LONP1: variants seen among roughly 807,000 people sequenced by gnomAD.
LONP1 encodes lon protease homolog, mitochondrial.
LONP1 carries 31 observed loss-of-function variants against 98.5 expected under a neutral mutation model. The ratio of observed to expected loss-of-function variants is 0.31; its 90% CI spans 0.24 to 0.42. The LOEUF (loss-of-function observed/expected upper bound fraction) is 0.42. Among genes scored for constraint, LONP1 ranks in the 20% least tolerant of loss-of-function variants. LONP1 has a pLI of 1.00. For missense variants in LONP1, 1,336 were observed against 1,350.6 expected (o/e 0.99, Z 0.17); for synonymous variants, 781 against 594.7 (o/e 1.31, Z -4.56).
intron 1 of LONP1, 39 bp from the exon 2 acceptor site, chr19:5,714,310 A>ATTTTTTTTTTTTTT: frequency 7.4e-7 from 1 of 1,360,400 alleles, no homozygotes; most frequent in Non-Finnish European, 1.0e-6. Flanking sequence ...TGCAGAGTAG[A>ATTTTTTTTTTTTTT]TTTTTTTTTT....
chr19:5,693,893 G>A, intron 15 of LONP1, 124 bp from the exon 16 acceptor site: 2 of 807,608 alleles, frequency 2.5e-6, no homozygotes, highest in Non-Finnish European at 4.0e-6. Flanking sequence ...CCTGGGCAGG[G>A]GTTGGTGTCC....
At chr19:5,709,684 C>A (rs535434357) in intron 4 of LONP1, among the ~76,000 whole-genome samples, 5 of 151,778 alleles carry the variant, frequency 3.3e-5, no homozygotes, top group African/African-American at 1.2e-4. Context: ...CTAAGGCGGG[C>A]GGATCACGAG....
Position 5,719,791 on chromosome 19 carries a change from G to C in LONP1, c.342C>G (p.Pro114=). ...GEGPVITALT[P]MTIPDVFPHL... ...GCGGAAACACATCGGGGATCGTCAT[G>C]GGCGTGAGCGCCGTTATGACCGGGC... Residue 114 remains proline (P), a synonymous_variant, in exon 1 of 18, where the codon CCC becomes CCG. Coordinates refer to ENST00000360614, the MANE Select transcript of LONP1 (RefSeq NM_004793.4). The C allele has an allele frequency of 6.2e-7, 1 of 1,613,078 alleles. No individual in the cohort carries two copies. The highest frequency in any genetic ancestry group is 1.3e-5 in the African/African-American group (1 of 75,046).
chr19:5,709,691 C>T (rs111742792), intron 4 of LONP1, among the ~76,000 whole-genome samples: 26,719 of 151,588 alleles, frequency 0.18, 2,798 homozygotes, highest in Middle Eastern at 0.32. Context: ...GGGCGGATCA[C>T]GAGGTCAGGA....
intron 4 of LONP1, among the ~76,000 whole-genome samples, chr19:5,709,907 C>CAGAAAAAAAAAAAAAAAAA (rs2055209574): frequency 2.6e-5 from 1 of 38,680 alleles, no homozygotes; most frequent in Non-Finnish European, 4.3e-5. Context: ...GGCTCCATCT[C>CAGAAAAAAAAAAAAAAAAA]AAAAAAAAAA....
At chr19:5,718,306 T>C (rs2145638277) in intron 1 of LONP1, among the ~76,000 whole-genome samples, 1 of 152,044 alleles carries the variant, frequency 6.6e-6, no homozygotes, top group African/African-American at 2.4e-5. Flanking sequence ...GGTGAAACCC[T>C]GTCTCTTCTA....
intron 11 of LONP1, 120 bp from the exon 12 acceptor site, chr19:5,696,491 T>A (rs566228657): frequency 2.1e-6 from 3 of 1,413,572 alleles, no homozygotes; most frequent in East Asian, 4.6e-5. Context: ...ACACCCTGCC[T>A]TGGACGGGCA....
chr19:5,697,282 G>A (rs964541812), intron 10 of LONP1, among the ~76,000 whole-genome samples: 108 of 152,108 alleles, frequency 7.1e-4, no homozygotes, highest in African/African-American at 2.5e-3. Context: ...GGGATGGAGG[G>A]ACTGAGATGC....
chr19:5,712,784 C>T (rs2055257957), intron 3 of LONP1, among the ~76,000 whole-genome samples: 1 of 152,092 alleles, frequency 6.6e-6, no homozygotes, highest in South Asian at 2.1e-4. Context: ...CATGAGCCAC[C>T]ACATCCAGCT....
chr19:5,696,978 T>G (rs1316177678), intron 10 of LONP1, among the ~76,000 whole-genome samples: 3 of 152,146 alleles, frequency 2.0e-5, no homozygotes, highest in African/African-American at 7.2e-5. Context: ...GGTCACTGAT[T>G]CAAAGCCAGA....
chr19:5,707,221 C>T lies in LONP1; in HGVS notation c.1063-78G>A, dbSNP rs147582568. 4.0e-4 allele frequency: 475 copies of T among 1,190,748 alleles called. No individual in the cohort carries two copies. The African/African-American group carries it at 4.7e-3, about 12-fold the overall frequency. The allele number at this position is 1,190,748 out of a possible 1,614,324, so 73.8% of individuals were successfully genotyped here. ...GTAGGGCCGAGGTTGGGGGAAAATG[C>T]GCACCCTGAGAGATGCTGCCGGGAG... On this transcript the variant is annotated intron_variant, in intron 6 of 17. Transcript: ENST00000360614.
At chr19:5,717,030 G>A (rs892231638) in intron 1 of LONP1, among the ~76,000 whole-genome samples, 1 of 152,132 alleles carries the variant, frequency 6.6e-6, no homozygotes, top group African/African-American at 2.4e-5. Flanking sequence ...TCCTGACCTC[G>A]TGATCCGCCC....
chr19:5,695,874 C>T (rs891745319), intron 13 of LONP1, among the ~76,000 whole-genome samples, 180 bp downstream of exon 13: 12 of 152,176 alleles, frequency 7.9e-5, no homozygotes, highest in Non-Finnish European at 1.2e-4. Context: ...CGCCCACTCG[C>T]GCCACCTGCA....
At chr19:5,694,268 C>T (rs2054883792) in intron 15 of LONP1, 119 bp downstream of exon 15, 6 of 1,359,422 alleles carry the variant, frequency 4.4e-6, no homozygotes, top group Non-Finnish European at 6.0e-6. Flanking sequence ...ACACCACCCC[C>T]CGCCAGAGGC....
chr19:5,697,369 T>G (rs986413446), intron 10 of LONP1, among the ~76,000 whole-genome samples: 1 of 150,408 alleles, frequency 6.6e-6, no homozygotes, highest in Admixed American at 6.6e-5. Context: ...GCAACGCACG[T>G]GAGGAGAGAG....
intron 4 of LONP1, among the ~76,000 whole-genome samples, chr19:5,709,210 C>T (rs1264298158): frequency 3.3e-5 from 5 of 151,638 alleles, no homozygotes; most frequent in South Asian, 2.1e-4. Context: ...TGGTCTTGGC[C>T]GGGCGCGGTG....
intron 7 of LONP1, among the ~76,000 whole-genome samples, chr19:5,706,205 T>C (rs2055142897): frequency 6.6e-6 from 1 of 152,110 alleles, no homozygotes; most frequent in Admixed American, 6.5e-5. Context: ...GGCACCATCA[T>C]AGCTCACCGT....
At chr19:5,719,051 A>G (rs1425268853) in intron 1 of LONP1, among the ~76,000 whole-genome samples, 1 of 152,148 alleles carries the variant, frequency 6.6e-6, no homozygotes, top group Non-Finnish European at 1.5e-5. Flanking sequence ...TCATCCTGCC[A>G]AAATGTAAGC....
rs2054887040 is a variant in LONP1 at position 5,694,446 on chromosome 19, T to G, written c.2261A>C (p.Glu754Ala). ...DFVGKPVFTV[E>A]RMYDVTPPGV... ...GGGCGGTGTCACGTCATACATGCGCTCCACGGTGAACACGGGCTTCCCCAC... is the reference window on the plus strand; with the variant it reads ...GGGCGGTGTCACGTCATACATGCGCGCCACGGTGAACACGGGCTTCCCCAC... The change falls in exon 15 of 18, where the codon GAG becomes GCG. Residue 754 changes from glutamate (E) to alanine (A), a missense_variant. Coordinates refer to ENST00000360614, the MANE Select transcript of LONP1 (RefSeq NM_004793.4). 2 of 1,613,154 alleles carry G rather than the reference T, an allele frequency of 1.2e-6. No homozygotes were observed. The highest frequency in any genetic ancestry group is 1.7e-5 in the Admixed American group (1 of 59,950).
Sources: allele counts gnomAD v4.1 joint callset (sites outside exome capture counted in the v4.1 genomes callset), GRCh38; gene constraint gnomAD v4.1.1; transcripts MANE v1.5; gene names NCBI Gene and HGNC (gene_info 2026-07-23, HGNC 2026-07-21).